PUDP: variants seen among roughly 807,000 people sequenced by gnomAD.
PUDP encodes the protein pseudouridine-5'-phosphatase.
Under a neutral mutation model 9.4 loss-of-function variants are expected in PUDP, and 8 were observed. The observed-to-expected ratio is 0.85, with a 90% CI of 0.50 to 1.53. PUDP has a LOEUF of 1.53. Among genes scored for constraint, PUDP ranks in the 40% most tolerant of loss-of-function variants. The pLI is 0.00. For missense variants in PUDP, 188 were observed against 189.7 expected, an observed-to-expected ratio of 0.99 and a Z score of 0.05; for synonymous variants, 99 against 80.7, an observed-to-expected ratio of 1.23 and a Z score of -1.22.
chrX:6,992,268 T>A (rs1426577099), intron 1 of PUDP, among the ~76,000 whole-genome samples: 1 of 79,180 alleles, frequency 1.3e-5, no homozygotes, highest in Non-Finnish European at 2.4e-5. Flanking sequence ...TTTCAGGGTG[T>A]CTTTTTTTTT....
chrX:6,787,219 T>TA (rs940541714), intron 3 of PUDP, among the ~76,000 whole-genome samples: 13 of 111,326 alleles, frequency 1.2e-4, no homozygotes, highest in African/African-American at 3.3e-4. Context: ...TTGAATAGCC[T>TA]AAAAAAAACC....
chrX:6,794,989 CAT>C (rs774555867), intron 3 of PUDP, among the ~76,000 whole-genome samples: 2 of 106,789 alleles, frequency 1.9e-5, no homozygotes, highest in South Asian at 4.2e-4. Flanking sequence ...ACATCATTCA[CAT>C]GTGTGAAAAT....
Position 7,052,370 on chromosome X carries a change from G to A in PUDP, c.511-1898C>T, listed in dbSNP as rs1365979462. Among the ~76,000 whole-genome samples the A allele has an allele frequency of 4.5e-5, 5 of 110,801 alleles. No homozygotes were observed. In the East Asian group the frequency reaches 8.6e-4, roughly 19 times the overall value. On this transcript the variant is annotated intron_variant, in intron 3 of 3. Transcript: ENST00000381077. ...CTTTCATTATGAAAATGTCCTCTTC[G>A]GCTCATCACCAGGTATATAGCAGCG...
intron 2 of PUDP, among the ~76,000 whole-genome samples, chrX:7,097,210 G>C (rs758411683): frequency 4.7e-4 from 53 of 111,653 alleles, no homozygotes; most frequent in African/African-American, 1.6e-3. Flanking sequence ...ATTCTGACAC[G>C]CCTCCTTTTA....
chrX:6,908,380 C>T (rs1037481008), intron 3 of PUDP, among the ~76,000 whole-genome samples: 2 of 112,259 alleles, frequency 1.8e-5, no homozygotes, highest in African/African-American at 6.5e-5. Context: ...TAAGAGCACC[C>T]TTAAGTTTGA....
At chrX:7,082,517 G>A (rs1045572853) in intron 2 of PUDP, among the ~76,000 whole-genome samples, 13 of 112,144 alleles carry the variant, frequency 1.2e-4, no homozygotes, top group Admixed American at 5.6e-4. Flanking sequence ...TTAGAGGGCC[G>A]TGCATGTCAT....
intron 1 of PUDP, among the ~76,000 whole-genome samples, chrX:7,110,831 G>A (rs1602796563): frequency 9.0e-6 from 1 of 111,387 alleles, no homozygotes; most frequent in East Asian, 2.8e-4. Flanking sequence ...GTGTCACAAG[G>A]TCAATCAGTT....
At chrX:6,807,869 C>A (rs1926077678) in intron 3 of PUDP, among the ~76,000 whole-genome samples, 1 of 112,180 alleles carries the variant, frequency 8.9e-6, no homozygotes, top group Non-Finnish European at 1.9e-5. Flanking sequence ...GAAATATATG[C>A]ATCTCTATTA....
At chrX:6,759,182 C>T (rs1376825131) in intron 3 of PUDP, among the ~76,000 whole-genome samples, 1 of 112,141 alleles carries the variant, frequency 8.9e-6, no homozygotes, top group African/African-American at 3.2e-5. Flanking sequence ...TCAGCTGTTC[C>T]CTTGTTTTCC....
intron 3 of PUDP, among the ~76,000 whole-genome samples, chrX:6,895,494 AT>A (rs1455155258): frequency 9.2e-6 from 1 of 108,562 alleles, no homozygotes; most frequent in Non-Finnish European, 1.9e-5. Flanking sequence ...ATGTTATTAT[AT>A]TTTTTCTCTA....
chrX:6,716,024 C>G (rs1569086340), intron 1 of PUDP, among the ~76,000 whole-genome samples: 1 of 110,433 alleles, frequency 9.1e-6, no homozygotes, highest in Non-Finnish European at 1.9e-5. Flanking sequence ...GTTCTTGATT[C>G]TATCTAATAT....
In PUDP at chrX:7,105,858, G is replaced by A. The variant is rs1251930817; in HGVS notation, c.62-20C>T. On this transcript the variant is annotated intron_variant, in intron 1 of 3. Coordinates refer to ENST00000381077, the MANE Select transcript of PUDP (RefSeq NM_012080.5). ...CAGTATCTGCAGGAAAAAAAAAAGA[G>A]ATTTTTAGAGTGCATACTGTATGAA... 1 of 1,057,384 alleles carries A rather than the reference G, an allele frequency of 9.5e-7. No homozygotes were observed. Among genetic ancestry groups the A allele is most frequent in the Non-Finnish European group, 1.3e-6 (1 of 766,079 alleles). 87.1% of individuals were successfully genotyped at this position (1,057,384 alleles called of 1,213,427 possible).
chrX:6,907,188 A>G lies in PUDP; in HGVS notation c.*247+69945T>C, dbSNP rs891506308. The stretch of plus-strand genomic sequence containing the variant: ...AGTGAGTGAGTTCTCACAAGATCTG[A>G]TGGTTTTATAAGGCGCTTTCCCTGT... On this transcript the variant is annotated intron_variant and NMD_transcript_variant, in intron 3 of 3. Coordinates refer to the PUDP transcript ENST00000655425. 5.4e-5 allele frequency among the ~76,000 whole-genome samples: 6 copies of G among 110,560 alleles called. 1 individual carries two copies. In the Admixed American group the frequency reaches 5.8e-4, roughly 11 times the overall value.
chrX:7,118,636 C>T (rs773650131), intron 1 of PUDP, among the ~76,000 whole-genome samples: 1 of 112,074 alleles, frequency 8.9e-6, no homozygotes, highest in African/African-American at 3.2e-5. Context: ...TTGACTTTCC[C>T]CTTAAATTAA....
chrX:6,861,632 A>C (rs1293352701), intron 3 of PUDP, among the ~76,000 whole-genome samples: 1 of 112,035 alleles, frequency 8.9e-6, no homozygotes, highest in Non-Finnish European at 1.9e-5. Flanking sequence ...CAGATATATT[A>C]GTCTGAATTC....
At chrX:6,731,750 A>AAGAGAGGG (rs1555908036) in intron 3 of PUDP, among the ~76,000 whole-genome samples, 13 of 78,718 alleles carry the variant, frequency 1.7e-4, no homozygotes, top group African/African-American at 6.8e-4. Context: ...GGAAGGAAGG[A>AAGAGAGGG]AGGGAGGGAG....
At chrX:6,862,222 C>T (rs1927012552) in intron 3 of PUDP, among the ~76,000 whole-genome samples, 1 of 111,735 alleles carries the variant, frequency 8.9e-6, no homozygotes, top group East Asian at 2.8e-4. Flanking sequence ...CTGGAAAGAC[C>T]ACCGGTCTAT....
chrX:6,877,630 T>A (rs918220455), intron 3 of PUDP, among the ~76,000 whole-genome samples: 1 of 111,712 alleles, frequency 9.0e-6, no homozygotes, highest in African/African-American at 3.3e-5. Context: ...GCCAGTTCAA[T>A]AAGCAATACC....
chrX:6,879,876 A>C (rs1927319480), intron 3 of PUDP, among the ~76,000 whole-genome samples: 2 of 111,048 alleles, frequency 1.8e-5, no homozygotes, highest in African/African-American at 6.6e-5. Context: ...GCTGGGCTAA[A>C]GCATTGAAGG....
Sources: gnomAD v4.1 joint callset for allele counts (sites outside exome capture counted in the v4.1 genomes callset) on GRCh38, gnomAD v4.1.1 for gene constraint, MANE v1.5 for transcripts, NCBI Gene and HGNC (gene_info 2026-07-23, HGNC 2026-07-21) for gene names.